The following SLC4A4 variants were observed in gnomAD, a reference collection of about 807,000 sequenced individuals.
The protein encoded by SLC4A4 is electrogenic sodium bicarbonate cotransporter 1.
Under a neutral mutation model 111.5 loss-of-function variants are expected in SLC4A4, and 27 were observed. The ratio of observed to expected loss-of-function variants is 0.24; its 90% CI spans 0.18 to 0.33. The LOEUF (loss-of-function observed/expected upper bound fraction) is 0.33. Ranked by LOEUF, SLC4A4 falls within the 10% of genes least tolerant of loss-of-function variation. SLC4A4 has a pLI of 1.00. For synonymous variants in SLC4A4, 443 were observed against 463.4 expected (o/e 0.96, Z 0.57); for missense variants, 909 against 1,315.5 (o/e 0.69, Z 4.78).
chr4:71,068,322 C>T (rs565403755), intron 1 of SLC4A4, among the ~76,000 whole-genome samples: 4 of 152,084 alleles, frequency 2.6e-5, no homozygotes, highest in African/African-American at 9.7e-5. Flanking sequence ...GCCTTGGCTT[C>T]CCAAAGTGTT....
chr4:71,387,508 T>A (rs973548227), intron 6 of SLC4A4, among the ~76,000 whole-genome samples: 3 of 152,218 alleles, frequency 2.0e-5, no homozygotes, highest in East Asian at 1.9e-4. Flanking sequence ...TTATTTATTT[T>A]TTTGAAATAA....
At chr4:71,353,212 T>A (rs1002258603) in intron 5 of SLC4A4, among the ~76,000 whole-genome samples, 1 of 152,230 alleles carries the variant, frequency 6.6e-6, no homozygotes, top group African/African-American at 2.4e-5. Flanking sequence ...CTAACCTCCA[T>A]GCATTTACTT....
At chr4:71,236,260 CT>C in intron 1 of SLC4A4, 1 of 1,037,468 alleles carries the variant, frequency 9.6e-7, no homozygotes, top group Non-Finnish European at 1.2e-6. Context: ...TGCTTTCATC[CT>C]TTTTAAAAAG....
At chr4:71,545,349 G>T (rs1280911405) in intron 18 of SLC4A4, among the ~76,000 whole-genome samples, 2 of 152,008 alleles carry the variant, frequency 1.3e-5, no homozygotes, top group East Asian at 1.9e-4. Context: ...GGTTCCTAGT[G>T]TAAATCACAT....
intron 3 of SLC4A4, among the ~76,000 whole-genome samples, chr4:71,258,059 A>G (rs1721584571): frequency 1.3e-5 from 2 of 152,174 alleles, no homozygotes; most frequent in African/African-American, 4.8e-5. Context: ...TGTAAATTGG[A>G]TCATGTCCTT....
At chr4:71,537,087 C>G (rs371077015) in intron 18 of SLC4A4, among the ~76,000 whole-genome samples, 10 of 151,768 alleles carry the variant, frequency 6.6e-5, no homozygotes, top group Admixed American at 3.9e-4. Flanking sequence ...TTCCTCATCT[C>G]TCTCATTCCT....
intron 13 of SLC4A4, among the ~76,000 whole-genome samples, chr4:71,471,920 A>G (rs1727907810): frequency 6.6e-6 from 1 of 151,938 alleles, no homozygotes; most frequent in Non-Finnish European, 1.5e-5. Flanking sequence ...CAGATCTGTG[A>G]GCAAGCTTCA....
At chr4:71,090,181 A>G (rs1742342913) in intron 1 of SLC4A4, among the ~76,000 whole-genome samples, 1 of 151,240 alleles carries the variant, frequency 6.6e-6, no homozygotes, top group South Asian at 2.1e-4. Context: ...CCGTGGGTGT[A>G]GGACCCTCTG....
At chr4:71,102,945 T>C (rs60834279) in intron 2 of SLC4A4, among the ~76,000 whole-genome samples, 2,004 of 149,764 alleles carry the variant, frequency 0.013, 41 homozygotes, top group African/African-American at 0.046. Flanking sequence ...GTAAATGGAC[T>C]AAATGCTCCA....
chr4:71,344,070 G>A (rs759714805), intron 4 of SLC4A4, among the ~76,000 whole-genome samples: 10 of 151,940 alleles, frequency 6.6e-5, no homozygotes, highest in Non-Finnish European at 1.3e-4. Context: ...CTTAGCACCT[G>A]TCATCATTTA....
intron 8 of SLC4A4, among the ~76,000 whole-genome samples, chr4:71,447,263 ACT>A (rs1484591471): frequency 6.6e-6 from 1 of 152,080 alleles, no homozygotes; most frequent in Non-Finnish European, 1.5e-5. Flanking sequence ...AGATGCACTA[ACT>A]CTTTCTAGTT....
chr4:71,340,899 CA>C (rs1728856225), intron 4 of SLC4A4, among the ~76,000 whole-genome samples: 1 of 152,054 alleles, frequency 6.6e-6, no homozygotes, highest in Non-Finnish European at 1.5e-5. Flanking sequence ...TTAAGCATTA[CA>C]CAAATACCTG....
At chr4:71,530,796 C>A (rs1044648901) in intron 16 of SLC4A4, among the ~76,000 whole-genome samples, 1 of 152,124 alleles carries the variant, frequency 6.6e-6, no homozygotes, top group African/African-American at 2.4e-5. Flanking sequence ...GACTACCTGG[C>A]TGCAGTAATA....
chr4:71,197,671 C>G (rs1746069121), intron 1 of SLC4A4, among the ~76,000 whole-genome samples: 1 of 152,156 alleles, frequency 6.6e-6, no homozygotes, highest in Non-Finnish European at 1.5e-5. Context: ...CACATGTATA[C>G]ATATGTAACA....
intron 14 of SLC4A4, among the ~76,000 whole-genome samples, chr4:71,480,860 T>G (rs1410160929): frequency 1.3e-5 from 2 of 151,650 alleles, no homozygotes; most frequent in Non-Finnish European, 3.0e-5. Flanking sequence ...TGCCAGACAT[T>G]TTACTAGGGG....
In SLC4A4 at chr4:71,431,160, T is replaced by G. The variant is rs746392875; in HGVS notation, c.808-9456T>G. 2.6e-4 allele frequency among the ~76,000 whole-genome samples: 39 copies of G among 152,102 alleles called. 1 individual carries two copies. The highest frequency in any genetic ancestry group is 7.4e-5 in the Non-Finnish European group (5 of 68,008). On this transcript the variant is annotated intron_variant, in intron 7 of 25. Coordinates refer to ENST00000264485, the MANE Select transcript of SLC4A4 (RefSeq NM_001098484.3). ...TATTCCTTCTTCCAGGGAGCTTACA[T>G]TGCAGTGTAATAAAAAGGCAACATT... is the stretch of plus-strand genomic sequence containing the variant.
chr4:71,297,850 A>G (rs1335611689), intron 3 of SLC4A4, among the ~76,000 whole-genome samples: 1 of 152,136 alleles, frequency 6.6e-6, no homozygotes, highest in Non-Finnish European at 1.5e-5. Flanking sequence ...AGCCTCCCAA[A>G]GTGCTGGGAT....
At chr4:71,181,555 A>G (rs1294060349) in intron 2 of SLC4A4, among the ~76,000 whole-genome samples, 5 of 152,190 alleles carry the variant, frequency 3.3e-5, no homozygotes, top group African/African-American at 1.2e-4. Context: ...TGATGTCATA[A>G]GGAATTTGTG....
At chr4:71,141,868 G>T (rs995443767) in intron 2 of SLC4A4, among the ~76,000 whole-genome samples, 3 of 152,336 alleles carry the variant, frequency 2.0e-5, no homozygotes, top group Non-Finnish European at 4.4e-5. Flanking sequence ...TTGAATCAAT[G>T]TTTGGAGAAT....
Sources: allele counts gnomAD v4.1 joint callset (sites outside exome capture counted in the v4.1 genomes callset), GRCh38; gene constraint gnomAD v4.1.1; transcripts MANE v1.5; gene names NCBI Gene and HGNC (gene_info 2026-07-23, HGNC 2026-07-21).